CCDC141: variants seen among roughly 807,000 people sequenced by gnomAD.
CCDC141 encodes coiled-coil domain-containing protein 141.
CCDC141 carries 168 observed loss-of-function variants against 181.0 expected under a neutral mutation model. The ratio of observed to expected loss-of-function variants is 0.93; its 90% CI spans 0.82 to 1.05. The LOEUF (loss-of-function observed/expected upper bound fraction) is 1.05, where lower values mean the gene tolerates loss of function less well. CCDC141 is among the 50% of genes least tolerant of loss of function. The pLI, the probability that CCDC141 is intolerant of heterozygous loss-of-function variation, is 0.00. For synonymous variants in CCDC141, 666 were observed against 642.3 expected (o/e 1.04, Z -0.56); for missense variants, 1,902 against 1,788.5 (o/e 1.06, Z -1.14).
intron 11 of CCDC141, among the ~76,000 whole-genome samples, chr2:178,880,229 C>G (rs1686534002): frequency 6.6e-6 from 1 of 152,176 alleles, no homozygotes; most frequent in Admixed American, 6.5e-5. Flanking sequence ...TAGAAATTCC[C>G]TTAACTCTGT....
intron 22 of CCDC141, among the ~76,000 whole-genome samples, chr2:178,844,309 A>C (rs1684846693): frequency 6.6e-6 from 1 of 152,118 alleles, no homozygotes; most frequent in Non-Finnish European, 1.5e-5. Flanking sequence ...CTCATTCTCA[A>C]ATGAAGTGAT....
At chr2:178,958,401 G>C (rs1360037325) in intron 5 of CCDC141, among the ~76,000 whole-genome samples, 1 of 151,822 alleles carries the variant, frequency 6.6e-6, no homozygotes, top group African/African-American at 2.4e-5. Flanking sequence ...TGCAGGTATG[G>C]GGGCAGGGAA....
In CCDC141 at chr2:178,830,560, A is replaced by G. The variant is rs1185416777; in HGVS notation, c.*3613T>C. 1 of 152,212 alleles carries G rather than the reference A, an allele frequency of 6.6e-6. No individual in the cohort carries two copies. Among genetic ancestry groups the G allele is most frequent in the African/African-American group, 2.4e-5 (1 of 41,448 alleles). 9.4% of individuals were successfully genotyped at this position (152,212 alleles called of 1,614,324 possible). A position where few individuals can be genotyped will look rare whatever the true frequency, so the allele number is the denominator to read the frequency against. The stretch of plus-strand genomic sequence containing the variant: ...CAATTCAATTCAAAAGAGTTTACTG[A>G]GTGTGACTGTGTCTTAGGTACTGGC... On this transcript the variant is annotated 3_prime_UTR_variant, in exon 24 of 24. Coordinates refer to ENST00000443758, the MANE Select transcript of CCDC141 (RefSeq NM_173648.4).
chr2:178,929,280 C>A (rs1438169835), intron 6 of CCDC141, among the ~76,000 whole-genome samples: 1 of 152,056 alleles, frequency 6.6e-6, no homozygotes, highest in East Asian at 1.9e-4. Context: ...TTTTCACATA[C>A]CTTTGGTGAA....
intron 2 of CCDC141, 116 bp downstream of exon 2, chr2:179,047,168 C>T (rs2043524236): frequency 2.5e-6 from 2 of 802,488 alleles, no homozygotes; most frequent in Admixed American, 3.8e-5. Context: ...CCATTATCTA[C>T]CTGGTACCAT....
At chr2:178,994,438 C>A (rs1223944991) in intron 2 of CCDC141, among the ~76,000 whole-genome samples, 1 of 152,200 alleles carries the variant, frequency 6.6e-6, no homozygotes, top group Non-Finnish European at 1.5e-5. Context: ...TGGAGTGGCT[C>A]GGTTGCAGGG....
At chr2:178,987,100 G>T (rs1393427554) in intron 2 of CCDC141, among the ~76,000 whole-genome samples, 2 of 140,548 alleles carry the variant, frequency 1.4e-5, no homozygotes, top group Non-Finnish European at 3.1e-5. Flanking sequence ...AAACAGCATG[G>T]TACTGGTACC....
chr2:178,914,095 T>C (rs994981693), intron 7 of CCDC141, among the ~76,000 whole-genome samples: 1 of 152,168 alleles, frequency 6.6e-6, no homozygotes, highest in Non-Finnish European at 1.5e-5. Context: ...ACACTAGAAG[T>C]ATAATAAATA....
At chr2:178,951,863 A>T (rs780684430) in intron 5 of CCDC141, among the ~76,000 whole-genome samples, 42 of 152,166 alleles carry the variant, frequency 2.8e-4, no homozygotes, top group Admixed American at 7.2e-4. Flanking sequence ...CACACTCATC[A>T]CTTCTGAGAG....
At chr2:179,024,197 G>T (rs1446269779) in intron 2 of CCDC141, among the ~76,000 whole-genome samples, 1 of 152,190 alleles carries the variant, frequency 6.6e-6, no homozygotes, top group African/African-American at 2.4e-5. Flanking sequence ...TCTCTTAGGA[G>T]CCCAAATGTT....
At chr2:179,031,061 C>T (rs777921261) in intron 2 of CCDC141, among the ~76,000 whole-genome samples, 4 of 151,910 alleles carry the variant, frequency 2.6e-5, no homozygotes, top group Non-Finnish European at 5.9e-5. Flanking sequence ...TTCTGATGTG[C>T]TATGAGTATA....
rs1197369354 is a variant in CCDC141, at chr2:178,886,894, G to A, written c.1408-23C>T. 6 of 1,328,856 alleles carry A rather than the reference G, an allele frequency of 4.5e-6. No individual in the cohort carries two copies. In the East Asian group the frequency reaches 1.8e-4, roughly 40 times the overall value. 82.3% of individuals were successfully genotyped at this position (1,328,856 alleles called of 1,614,324 possible). A position where few individuals can be genotyped will look rare whatever the true frequency, so the allele number is the denominator to read the frequency against. ...CACCTTTAGGAGTGAATAATATATG[G>A]CAGTCTTAGTAATATATTTTTGCAT... is the stretch of plus-strand genomic sequence containing the variant. On this transcript the variant is annotated intron_variant, in intron 9 of 23. Transcript: ENST00000443758.
chr2:179,033,021 T>C (rs916148545), intron 2 of CCDC141, among the ~76,000 whole-genome samples: 13 of 147,642 alleles, frequency 8.8e-5, no homozygotes, highest in Admixed American at 8.2e-4. Context: ...TATATAATAT[T>C]ATATATATTA....
At chr2:178,937,660 C>A (rs1017888959) in intron 6 of CCDC141, among the ~76,000 whole-genome samples, 1 of 151,998 alleles carries the variant, frequency 6.6e-6, no homozygotes, top group African/African-American at 2.4e-5. Flanking sequence ...TCCAGCTCTT[C>A]TTTGTACCTC....
chr2:178,903,295 G>C (rs977440822), intron 8 of CCDC141, among the ~76,000 whole-genome samples: 5 of 151,720 alleles, frequency 3.3e-5, no homozygotes, highest in African/African-American at 2.4e-5. Context: ...CTGCTATAAA[G>C]ACACATGCAC....
intron 5 of CCDC141, among the ~76,000 whole-genome samples, chr2:178,946,269 A>G (rs183064407): frequency 6.6e-6 from 1 of 152,184 alleles, no homozygotes; most frequent in African/African-American, 2.4e-5. Context: ...AATTAGAGCT[A>G]GATGATATGT....
chr2:178,892,286 C>T (rs12693173), intron 8 of CCDC141, among the ~76,000 whole-genome samples: 124,479 of 152,098 alleles, frequency 0.82, 51,707 homozygotes, highest in East Asian at 0.98. Flanking sequence ...ATTCTGTGCA[C>T]CATTGCCCGT....
At chr2:179,027,277 A>G (rs1007236035) in intron 2 of CCDC141, among the ~76,000 whole-genome samples, 1 of 152,156 alleles carries the variant, frequency 6.6e-6, no homozygotes, top group African/African-American at 2.4e-5. Context: ...AAGTGATTGC[A>G]TTATGAAGGC....
intron 16 of CCDC141, among the ~76,000 whole-genome samples, chr2:178,866,742 G>T (rs1223491302): frequency 6.6e-6 from 1 of 151,866 alleles, no homozygotes; most frequent in Non-Finnish European, 1.5e-5. Flanking sequence ...GTTTTTTTGA[G>T]ATGGAGTCTT....
Sources: allele counts gnomAD v4.1 joint callset (sites outside exome capture counted in the v4.1 genomes callset), GRCh38; gene constraint gnomAD v4.1.1; transcripts MANE v1.5; gene names NCBI Gene and HGNC (gene_info 2026-07-23, HGNC 2026-07-21).